The following AKT3 variants were observed in gnomAD, a reference collection of about 807,000 sequenced individuals.
AKT3 encodes AKT serine/threonine kinase 3.
In AKT3, 15 loss-of-function variants were observed where a neutral mutation model predicts 65.3. The ratio of observed to expected loss-of-function variants is 0.23; its 90% CI spans 0.15 to 0.35. AKT3 has a LOEUF of 0.35. Among genes scored for constraint, AKT3 ranks in the 10% least tolerant of loss-of-function variants. The probability of loss-of-function intolerance (pLI) is 1.00; values close to 1 mark genes in which losing one functional copy is unlikely to be tolerated. For missense variants in AKT3, 243 were observed against 576.5 expected (o/e 0.42, Z 5.92); for synonymous variants, 206 against 183.8 (o/e 1.12, Z -0.98).
At chr1:243,812,918 C>T (rs1693262169) in intron 2 of AKT3, among the ~76,000 whole-genome samples, 1 of 150,524 alleles carries the variant, frequency 6.6e-6, no homozygotes, top group South Asian at 2.1e-4. Context: ...CTATCGCAAG[C>T]ACAAAAAACC....
chr1:243,730,402 G>A (rs1687477787), intron 2 of AKT3, among the ~76,000 whole-genome samples: 1 of 152,148 alleles, frequency 6.6e-6, no homozygotes, highest in Non-Finnish European at 1.5e-5. Context: ...CAGAATTCGG[G>A]ACCCACCCAA....
At chr1:243,583,195 T>TATATATATATATATACACAC (rs759291565) in intron 8 of AKT3, among the ~76,000 whole-genome samples, 3 of 88,324 alleles carry the variant, frequency 3.4e-5, no homozygotes, top group African/African-American at 1.5e-4. Context: ...TATATATATA[T>TATATATATATATATACACAC]ACACACACAC....
chr1:243,691,179 G>C (rs547297081), intron 3 of AKT3, among the ~76,000 whole-genome samples: 2 of 152,284 alleles, frequency 1.3e-5, no homozygotes, highest in African/African-American at 4.8e-5. Context: ...CAATCGAAGG[G>C]AACAGCATAA....
chr1:243,724,241 A>AG (rs1183534365), intron 2 of AKT3, among the ~76,000 whole-genome samples: 6 of 149,734 alleles, frequency 4.0e-5, no homozygotes, highest in South Asian at 2.1e-4. Context: ...AGAAAAATTG[A>AG]GGGGAAAAAA....
At chr1:243,797,030 A>C (rs1692063741) in intron 2 of AKT3, among the ~76,000 whole-genome samples, 1 of 152,196 alleles carries the variant, frequency 6.6e-6, no homozygotes, top group Non-Finnish European at 1.5e-5. Flanking sequence ...CAACATGAAA[A>C]AAGTTCTGGA....
At chr1:243,725,916 G>A (rs1687179522) in intron 2 of AKT3, among the ~76,000 whole-genome samples, 1 of 152,176 alleles carries the variant, frequency 6.6e-6, no homozygotes, top group South Asian at 2.1e-4. Context: ...ACACAGAAAG[G>A]TGTTTATACA....
At chr1:243,664,146 T>C (rs1050726590) in intron 4 of AKT3, among the ~76,000 whole-genome samples, 4 of 150,172 alleles carry the variant, frequency 2.7e-5, no homozygotes, top group Admixed American at 1.3e-4. Flanking sequence ...CAATCAATTA[T>C]ACAATTTTTT....
intron 2 of AKT3, among the ~76,000 whole-genome samples, chr1:243,712,853 C>A (rs1686247254): frequency 6.6e-6 from 1 of 152,212 alleles, no homozygotes; most frequent in South Asian, 2.1e-4. Flanking sequence ...ATCTCTAACA[C>A]CTAATGTCAA....
chr1:243,595,924 C>T (rs1187771511), intron 8 of AKT3, among the ~76,000 whole-genome samples: 1 of 152,152 alleles, frequency 6.6e-6, no homozygotes, highest in Non-Finnish European at 1.5e-5. Flanking sequence ...TGTACTATCA[C>T]AATCAAGTAT....
At chr1:243,489,983 G>A (rs1665989900) in intron 13 of AKT3, among the ~76,000 whole-genome samples, 1 of 152,224 alleles carries the variant, frequency 6.6e-6, no homozygotes, top group Non-Finnish European at 1.5e-5. Flanking sequence ...AGGATAATGA[G>A]GTGGTCCGTG....
intron 2 of AKT3, among the ~76,000 whole-genome samples, chr1:243,747,003 T>C (rs1008459122): frequency 6.6e-6 from 1 of 152,170 alleles, no homozygotes; most frequent in Non-Finnish European, 1.5e-5. Context: ...GCAAAGTTTT[T>C]GTATTAGGCT....
chr1:243,601,829 A>C (rs1677027136), intron 8 of AKT3, among the ~76,000 whole-genome samples: 1 of 152,218 alleles, frequency 6.6e-6, no homozygotes, highest in African/African-American at 2.4e-5. Context: ...GTATGTTTTC[A>C]GATTATAGTT....
chr1:243,670,945 T>G (rs973511995), intron 3 of AKT3, among the ~76,000 whole-genome samples: 4 of 152,224 alleles, frequency 2.6e-5, no homozygotes, highest in Non-Finnish European at 2.9e-5. Flanking sequence ...AAAAAAAATT[T>G]TTAGAGATCA....
intron 12 of AKT3, among the ~76,000 whole-genome samples, chr1:243,535,724 T>C (rs1010201271): frequency 6.6e-6 from 1 of 152,172 alleles, no homozygotes; most frequent in African/African-American, 2.4e-5. Context: ...AATGACTTCC[T>C]TTGTGTAGAT....
chr1:243,711,594 C>G (rs1354634113), intron 2 of AKT3, among the ~76,000 whole-genome samples: 1 of 152,042 alleles, frequency 6.6e-6, no homozygotes, highest in Non-Finnish European at 1.5e-5. Flanking sequence ...ATAAATACTC[C>G]AATTGTAATA....
chr1:243,588,490 C>G (rs1255858529), intron 8 of AKT3, among the ~76,000 whole-genome samples: 2 of 152,130 alleles, frequency 1.3e-5, no homozygotes, highest in Non-Finnish European at 2.9e-5. Context: ...AGAATAAAAA[C>G]TAACACTCTG....
chr1:243,555,770 A>G (rs1673365771), intron 10 of AKT3, among the ~76,000 whole-genome samples: 1 of 152,190 alleles, frequency 6.6e-6, no homozygotes, highest in Admixed American at 6.6e-5. Context: ...TAATTTGGAT[A>G]TAAATGCAGA....
rs1466550621 is a variant in AKT3, at chr1:243,508,600, G to A, written c.1355-3266C>T. Among the ~76,000 whole-genome samples, 4 of 151,550 alleles carry A rather than the reference G, an allele frequency of 2.6e-5. No individual in the cohort carries two copies. The East Asian group carries it at 7.7e-4, about 29-fold the overall frequency. ...TGGGCTCTCGTTTCCGTACTGTCCA[G>A]GGCCCAGGAGCAGGGCAGGACCACA... On this transcript the variant is annotated intron_variant, in intron 13 of 13. Transcript: ENST00000673466.
intron 4 of AKT3, among the ~76,000 whole-genome samples, chr1:243,655,402 G>A (rs1681696914): frequency 6.6e-6 from 1 of 151,684 alleles, no homozygotes; most frequent in Admixed American, 6.6e-5. Context: ...ACTAATTAAT[G>A]TATAGTTCTT....
Sources: allele counts gnomAD v4.1 joint callset (sites outside exome capture counted in the v4.1 genomes callset), GRCh38; gene constraint gnomAD v4.1.1; transcripts MANE v1.5; gene names NCBI Gene and HGNC (gene_info 2026-07-23, HGNC 2026-07-21).